The following PSD3 variants were observed in gnomAD, a reference collection of about 807,000 sequenced individuals.
PSD3 encodes pleckstrin and Sec7 domain containing 3.
A neutral mutation model predicts 105.5 loss-of-function variants in PSD3; 49 were observed. The ratio of observed to expected loss-of-function variants is 0.46; its 90% CI spans 0.37 to 0.59. The LOEUF (loss-of-function observed/expected upper bound fraction) is 0.59, where lower values mean the gene tolerates loss of function less well. Among genes scored for constraint, PSD3 ranks in the 20% least tolerant of loss-of-function variants. PSD3 has a pLI of 0.00. For synonymous variants in PSD3, 557 were observed against 457.8 expected (o/e 1.22, Z -2.77); for missense variants, 1,561 against 1,263.8 (o/e 1.24, Z -3.57).
intron 9 of PSD3, among the ~76,000 whole-genome samples, chr8:18,759,022 A>T (rs1042315529): frequency 1.5e-4 from 23 of 151,438 alleles, no homozygotes; most frequent in Admixed American, 1.3e-3. Flanking sequence ...AGTGAAGCTT[A>T]TAAATCCTGC....
chr8:19,034,304 G>A (rs114924210), intron 1 of PSD3, among the ~76,000 whole-genome samples: 1,696 of 152,236 alleles, frequency 0.011, 32 homozygotes, highest in African/African-American at 0.039. Flanking sequence ...ATATAGAAAA[G>A]GTTAAAGGAT....
intron 11 of PSD3, among the ~76,000 whole-genome samples, chr8:18,618,417 T>A (rs1368304722): frequency 1.3e-5 from 2 of 151,496 alleles, no homozygotes; most frequent in African/African-American, 4.8e-5. Flanking sequence ...TGGCTCAGAA[T>A]AAGCCTCTTC....
At chr8:18,536,584 T>C (rs956293778) in intron 15 of PSD3, among the ~76,000 whole-genome samples, 1 of 152,216 alleles carries the variant, frequency 6.6e-6, no homozygotes, top group Middle Eastern at 3.2e-3. Context: ...GGTGCTGCTA[T>C]GAACAGTATG....
At chr8:18,747,677 T>C (rs1199106898) in intron 9 of PSD3, among the ~76,000 whole-genome samples, 2 of 152,288 alleles carry the variant, frequency 1.3e-5, no homozygotes, top group East Asian at 3.9e-4. Context: ...GACTGCCACA[T>C]GGTAAGGAAG....
intron 1 of PSD3, among the ~76,000 whole-genome samples, chr8:18,997,406 C>T (rs1826138658): frequency 6.6e-6 from 1 of 151,876 alleles, no homozygotes; most frequent in South Asian, 2.1e-4. Flanking sequence ...TCAAAACATA[C>T]CATGGTGGTC....
Position 18,556,370 on chromosome 8 carries a change from G to C in PSD3, c.2785-18C>G. On this transcript the variant is annotated intron_variant, in intron 14 of 15. Coordinates refer to ENST00000327040, the MANE Select transcript of PSD3 (RefSeq NM_015310.4). Reference sequence around the variant, plus strand: ...TGCTCCTCCTGCAGGAAATCATGATGCCATTTAGCGTTCAAAAAAAAAACA... The same window carrying C: ...TGCTCCTCCTGCAGGAAATCATGATCCCATTTAGCGTTCAAAAAAAAAACA... The C allele has an allele frequency of 6.3e-7, 1 of 1,593,924 alleles. No homozygotes were observed. Among genetic ancestry groups the C allele is most frequent in the Non-Finnish European group, 8.5e-7 (1 of 1,174,102 alleles).
At chr8:18,872,866 C>T in intron 2 of PSD3, 133 bp from the exon 3 acceptor site, 1 of 862,430 alleles carries the variant, frequency 1.2e-6, no homozygotes. Context: ...TCAGTCCTCC[C>T]ACCACCCTGT....
intron 9 of PSD3, among the ~76,000 whole-genome samples, chr8:18,721,491 T>C (rs1043861342): frequency 1.3e-5 from 2 of 152,186 alleles, no homozygotes; most frequent in Non-Finnish European, 2.9e-5. Context: ...ATTAAAGCCT[T>C]AGAAGTTAAA....
chr8:18,698,884 C>CA (rs1480138811), intron 9 of PSD3, among the ~76,000 whole-genome samples: 1 of 152,100 alleles, frequency 6.6e-6, no homozygotes, highest in Admixed American at 6.5e-5. Flanking sequence ...AAAGTACTAG[C>CA]TTTTTCTAGA....
intron 9 of PSD3, among the ~76,000 whole-genome samples, chr8:18,686,290 G>A (rs528500136): frequency 6.6e-6 from 1 of 152,260 alleles, no homozygotes; most frequent in African/African-American, 2.4e-5. Context: ...GTGGGTTGAG[G>A]TAATATTGCA....
intron 2 of PSD3, among the ~76,000 whole-genome samples, chr8:18,913,419 T>C (rs1379827736): frequency 6.6e-6 from 1 of 152,090 alleles, no homozygotes; most frequent in African/African-American, 2.4e-5. Flanking sequence ...CATACCCACT[T>C]CCAAAATGTC....
intron 9 of PSD3, among the ~76,000 whole-genome samples, chr8:18,758,463 C>G (rs1806243607): frequency 2.0e-5 from 3 of 148,706 alleles, no homozygotes; most frequent in South Asian, 4.2e-4. Context: ...TGCTGTCACT[C>G]CGTGTGAACA....
At chr8:18,547,597 T>C (rs896559218) in intron 15 of PSD3, among the ~76,000 whole-genome samples, 12 of 152,226 alleles carry the variant, frequency 7.9e-5, no homozygotes, top group African/African-American at 2.7e-4. Flanking sequence ...TGCTACACTT[T>C]AATGCTTTCC....
At chr8:18,937,521 G>C (rs990479714) in intron 1 of PSD3, among the ~76,000 whole-genome samples, 2 of 151,858 alleles carry the variant, frequency 1.3e-5, no homozygotes, top group Non-Finnish European at 2.9e-5. Context: ...ACTGGAGACA[G>C]GTTCAGGGGG....
At chr8:18,886,277 A>T (rs1818447301) in intron 2 of PSD3, among the ~76,000 whole-genome samples, 1 of 152,152 alleles carries the variant, frequency 6.6e-6, no homozygotes, top group Non-Finnish European at 1.5e-5. Flanking sequence ...GAAAAACTCA[A>T]TGTCACATGC....
At chr8:18,780,487 C>T (rs1808501591) in intron 8 of PSD3, among the ~76,000 whole-genome samples, 1 of 151,946 alleles carries the variant, frequency 6.6e-6, no homozygotes, top group African/African-American at 2.4e-5. Context: ...TCCTCTCATC[C>T]TGTTCTCCTC....
At chr8:18,545,313 T>C (rs1800391263) in intron 15 of PSD3, among the ~76,000 whole-genome samples, 1 of 152,166 alleles carries the variant, frequency 6.6e-6, no homozygotes, top group Non-Finnish European at 1.5e-5. Flanking sequence ...AGAGCAACCT[T>C]ACGAAGATCT....
At chr8:18,717,641 C>T (rs559692145) in intron 9 of PSD3, among the ~76,000 whole-genome samples, 1 of 152,150 alleles carries the variant, frequency 6.6e-6, no homozygotes, top group African/African-American at 2.4e-5. Context: ...TTTACTTTCT[C>T]CAAAGCAGCC....
chr8:19,058,441 GTAATATA>G (rs1237746267), intron 1 of PSD3, among the ~76,000 whole-genome samples: 2 of 147,406 alleles, frequency 1.4e-5, no homozygotes, highest in Non-Finnish European at 3.0e-5. Flanking sequence ...ATATTACATT[GTAATATA>G]TAATATATAA....
Sources: allele counts gnomAD v4.1 joint callset (sites outside exome capture counted in the v4.1 genomes callset), GRCh38; gene constraint gnomAD v4.1.1; transcripts MANE v1.5; gene names NCBI Gene and HGNC (gene_info 2026-07-23, HGNC 2026-07-21).